The following ELAC2 variants were observed in gnomAD, a reference collection of about 807,000 sequenced individuals.
ELAC2 encodes the protein zinc phosphodiesterase ELAC protein 2.
ELAC2 carries 92 observed loss-of-function variants against 105.2 expected under a neutral mutation model. That is an observed-to-expected ratio of 0.87 (90% CI 0.74 to 1.04). The LOEUF is 1.04. ELAC2 is among the 50% of genes least tolerant of loss of function. The probability of loss-of-function intolerance (pLI) is 0.00; values close to 1 mark genes in which losing one functional copy is unlikely to be tolerated. For missense variants in ELAC2, 1,099 were observed against 1,071.7 expected (o/e 1.03, Z -0.36); for synonymous variants, 468 against 409.1 (o/e 1.14, Z -1.74).
chr17:13,002,638 A>G, intron 12 of ELAC2, 59 bp from the exon 13 acceptor site: 8 of 1,557,406 alleles, frequency 5.1e-6, no homozygotes, highest in South Asian at 1.2e-5. Flanking sequence ...CCCCCTGAGG[A>G]GTGGTGCTGA....
At chr17:13,009,562 G>C (rs914167510) in intron 8 of ELAC2, among the ~76,000 whole-genome samples, 2 of 152,124 alleles carry the variant, frequency 1.3e-5, no homozygotes, top group Non-Finnish European at 2.9e-5. Context: ...TTAGACCTTA[G>C]CTATTGCAGG....
intron 8 of ELAC2, among the ~76,000 whole-genome samples, chr17:13,007,905 A>G (rs567146457): frequency 6.6e-6 from 1 of 151,594 alleles, no homozygotes; most frequent in Admixed American, 6.6e-5. Context: ...TAAAATAAAT[A>G]AAAGGTAATT....
intron 11 of ELAC2, 51 bp from the exon 12 acceptor site, chr17:13,003,625 A>C (rs1052499367): frequency 6.5e-7 from 1 of 1,547,832 alleles, no homozygotes; most frequent in Non-Finnish European, 8.9e-7. Flanking sequence ...AGGACACACC[A>C]AGACAGGGAC....
rs762017822 is a variant in ELAC2, at chr17:13,017,778, G to C, written c.170C>G (p.Thr57Ser). The C allele has an allele frequency of 6.2e-7, 1 of 1,610,622 alleles. No homozygotes were observed. The highest frequency in any genetic ancestry group is 1.3e-5 in the African/African-American group (1 of 75,042). The part of the protein sequence containing the change: ...GPSGCSGGPN[T>S]VYLQVVAAGS... ...CGCTGCCACCACCTGCAGGTACACGGTGTTTGGGCCGCCGGAGCACCCCGA... is the reference window on the plus strand; with the variant it reads ...CGCTGCCACCACCTGCAGGTACACGCTGTTTGGGCCGCCGGAGCACCCCGA... The change falls in exon 1 of 24, where the codon ACC (threonine) becomes AGC (serine). Residue 57 changes from threonine (T) to serine (S), a missense_variant. By Grantham distance (58) the Thr-to-Ser change is moderately conservative (BLOSUM62 1). Transcript: ENST00000338034.
At chr17:13,010,008 A>AAAAAAAAG (rs2041327700) in intron 8 of ELAC2, among the ~76,000 whole-genome samples, 1 of 151,176 alleles carries the variant, frequency 6.6e-6, no homozygotes, top group African/African-American at 2.4e-5. Context: ...AAAAAAAAAA[A>AAAAAAAAG]TGTACGGAGG....
rs533723581 is a variant in ELAC2 at position 12,992,173 on chromosome 17, T to C, written c.*645A>G. 6.6e-6 allele frequency among the ~76,000 whole-genome samples: 1 copy of C among 152,308 alleles called. No homozygotes were observed. The highest frequency in any genetic ancestry group is 1.5e-5 in the Non-Finnish European group (1 of 68,032). Reference sequence around the variant, plus strand: ...TTGATAGAGAAAGCACGCCCTGCTGTGAGCTGGCACAGCTCGAGTTGTCAA... The same window carrying C: ...TTGATAGAGAAAGCACGCCCTGCTGCGAGCTGGCACAGCTCGAGTTGTCAA... On this transcript the variant is annotated 3_prime_UTR_variant, in exon 24 of 24. Coordinates refer to ENST00000338034, the MANE Select transcript of ELAC2 (RefSeq NM_018127.7).
intron 17 of ELAC2, chr17:12,996,186 G>T: frequency 1.5e-6 from 1 of 685,578 alleles, no homozygotes; most frequent in Non-Finnish European, 2.5e-6. Flanking sequence ...CCCGTGCTGG[G>T]AAGAGGGCAA....
At chr17:13,010,434 G>T (rs2041353115) in intron 8 of ELAC2, among the ~76,000 whole-genome samples, 179 bp downstream of exon 8, 1 of 152,208 alleles carries the variant, frequency 6.6e-6, no homozygotes, top group African/African-American at 2.4e-5. Context: ...CTCCCAAAGT[G>T]CTGGGATTAC....
At chr17:13,014,154 G>A (rs939523422) in intron 5 of ELAC2, among the ~76,000 whole-genome samples, 4 of 152,150 alleles carry the variant, frequency 2.6e-5, no homozygotes, top group East Asian at 3.9e-4. Flanking sequence ...TTAGCTGAGC[G>A]TGATGGCATG....
In ELAC2 at chr17:13,013,847, G is replaced by A. The variant is rs191933305; in HGVS notation, c.491-572C>T. Reference sequence around the variant, plus strand: ...TTGTCACCCCCGCCCCCAACTCAAAGCAACTCAACGACGAGAAGCACCTCT... The same window carrying A: ...TTGTCACCCCCGCCCCCAACTCAAAACAACTCAACGACGAGAAGCACCTCT... On this transcript the variant is annotated intron_variant, in intron 5 of 23. Coordinates refer to ENST00000338034, the MANE Select transcript of ELAC2 (RefSeq NM_018127.7). Among the ~76,000 whole-genome samples the A allele has an allele frequency of 1.2e-3, 182 of 152,166 alleles. 1 individual carries two copies. The highest frequency in any genetic ancestry group is 4.1e-3 in the African/African-American group (170 of 41,536).
At chr17:13,006,425 G>A (rs755599252) in intron 8 of ELAC2, 15 of 221,082 alleles carry the variant, frequency 6.8e-5, no homozygotes, top group Non-Finnish European at 1.0e-4. Context: ...ATTAAAATGC[G>A]TTTATTGCTT....
chr17:13,000,358 T>G, intron 14 of ELAC2, 84 bp from the exon 15 acceptor site: 1 of 1,249,354 alleles, frequency 8.0e-7, no homozygotes, highest in Admixed American at 1.7e-5. Flanking sequence ...CAGAATAAAT[T>G]CAGGGGGACA....
chr17:12,994,192 G>A (rs994403282), intron 22 of ELAC2, among the ~76,000 whole-genome samples: 6 of 152,106 alleles, frequency 3.9e-5, no homozygotes, highest in Admixed American at 1.3e-4. Context: ...TTATTCAGCC[G>A]ATTTCTAGAT....
In ELAC2 at chr17:13,011,531, T is replaced by C. The variant is rs1485052631; in HGVS notation, c.679+132A>G. On this transcript the variant is annotated intron_variant, in intron 7 of 23. Coordinates refer to ENST00000338034, the MANE Select transcript of ELAC2 (RefSeq NM_018127.7). ...CTCATTCCCCCAACGGGCCAAGTTA[T>C]AGTAAGCCCAGGAAGAAGGATCTGT... The C allele has an allele frequency of 7.5e-6, 11 of 1,474,290 alleles. No homozygotes were observed. The Admixed American group carries it at 1.2e-4, about 16-fold the overall frequency. 91.3% of individuals were successfully genotyped at this position (1,474,290 alleles called of 1,614,324 possible). A position where few individuals can be genotyped will look rare whatever the true frequency, so the allele number is the denominator to read the frequency against.
Position 13,000,197 on chromosome 17 carries a change from T to G in ELAC2, c.1382A>C (p.Gln461Pro), listed in dbSNP as rs1446725892. 1 of 1,614,082 alleles carries G rather than the reference T, an allele frequency of 6.2e-7. No individual in the cohort carries two copies. Among genetic ancestry groups the G allele is most frequent in the Admixed American group, 1.7e-5 (1 of 60,026 alleles). The change falls in exon 15 of 24, where the codon CAG (glutamine) becomes CCG (proline). Residue 461 changes from glutamine (Q) to proline (P), a missense_variant. By Grantham distance (76) the Gln-to-Pro change is moderately conservative (BLOSUM62 -1). Transcript: ENST00000338034. ...GTCCTGCGCACTCCTCCTGTACTCC[T>G]GCACGCTCTGCTGGAAGTTGGGAAG... Reference protein sequence around the residue: ...LQLPNFQQSVQEYRRSAQDGP... With the variant: ...LQLPNFQQSVPEYRRSAQDGP...
intron 7 of ELAC2, among the ~76,000 whole-genome samples, chr17:13,010,928 A>G (rs1237811056): frequency 6.6e-6 from 1 of 152,210 alleles, no homozygotes; most frequent in East Asian, 1.9e-4. Context: ...TTTTTTTTAA[A>G]TGACACATTT....
chr17:12,997,763 G>T (rs1016499715), intron 16 of ELAC2, among the ~76,000 whole-genome samples: 1 of 152,220 alleles, frequency 6.6e-6, no homozygotes, highest in Middle Eastern at 3.4e-3. Flanking sequence ...AACAAACCTG[G>T]TAATTCACAA....
chr17:13,014,420 G>A lies in ELAC2; in HGVS notation c.490+19C>T, dbSNP rs773683180. The A allele has an allele frequency of 1.3e-6, 2 of 1,598,726 alleles. No individual in the cohort carries two copies. The highest frequency in any genetic ancestry group is 1.7e-6 in the Non-Finnish European group (2 of 1,166,146). ...ATAAGTTAGAAATAGCAGAGGATGA[G>A]TCACAGACAAAGACGTACCCAGTTC... On this transcript the variant is annotated intron_variant, in intron 5 of 23. Coordinates refer to ENST00000338034, the MANE Select transcript of ELAC2 (RefSeq NM_018127.7).
intron 11 of ELAC2, 144 bp downstream of exon 11, chr17:13,004,845 G>T: frequency 1.3e-6 from 1 of 766,218 alleles, no homozygotes. Context: ...TACCAACAGT[G>T]ACTTAAGGCA....
Sources: allele counts gnomAD v4.1 joint callset (sites outside exome capture counted in the v4.1 genomes callset), GRCh38; gene constraint gnomAD v4.1.1; transcripts MANE v1.5; gene names NCBI Gene and HGNC (gene_info 2026-07-23, HGNC 2026-07-21).